The following ITIH5 variants were observed in gnomAD, a reference collection of about 807,000 sequenced individuals.
ITIH5 encodes the protein inter-alpha-trypsin inhibitor heavy chain H5.
In ITIH5, 65 loss-of-function variants were observed where a neutral mutation model predicts 77.5. The ratio of observed to expected loss-of-function variants is 0.84; its 90% CI spans 0.69 to 1.03. The LOEUF (loss-of-function observed/expected upper bound fraction) is 1.03, where lower values mean the gene tolerates loss of function less well. Ranked by LOEUF, ITIH5 falls within the 50% of genes least tolerant of loss-of-function variation. The pLI is 0.00. For missense variants in ITIH5, 1,208 were observed against 1,213.1 expected (o/e 1.00, Z 0.06); for synonymous variants, 525 against 494.3 (o/e 1.06, Z -0.82).
chr10:7,603,657 C>T (rs1254146246), intron 7 of ITIH5, among the ~76,000 whole-genome samples: 1 of 152,166 alleles, frequency 6.6e-6, no homozygotes, highest in African/African-American at 2.4e-5. Context: ...GATCTTGGCT[C>T]ACTGCAAGCT....
intron 10 of ITIH5, 137 bp downstream of exon 10, chr10:7,576,316 A>G: frequency 1.2e-6 from 1 of 804,848 alleles, no homozygotes; most frequent in Non-Finnish European, 1.9e-6. Context: ...GAGCTACTAT[A>G]CCCGGTCTGG....
intron 7 of ITIH5, among the ~76,000 whole-genome samples, chr10:7,607,331 C>G (rs968133610): frequency 5.9e-5 from 9 of 152,176 alleles, no homozygotes; most frequent in African/African-American, 1.9e-4. Flanking sequence ...CATCCAACAG[C>G]AGAGTTGAGT....
Position 7,599,170 on chromosome 10 carries a change from T to TC in ITIH5, c.940-13102dup, listed in dbSNP as rs563276909. Among the ~76,000 whole-genome samples, 331 of 152,348 alleles carry TC rather than the reference T, an allele frequency of 2.2e-3. 2 individuals are homozygous for TC. Among genetic ancestry groups the TC allele is most frequent in the Non-Finnish European group, 1.5e-3 (101 of 68,024 alleles). On this transcript the variant is annotated intron_variant, in intron 7 of 13. Transcript: ENST00000397146. ...CTCAGGGCTAGAAATAGATTTTTTTTCCCACTTCTCTTCATGTGGAAGGTC... is the reference window on the plus strand; with the variant it reads ...CTCAGGGCTAGAAATAGATTTTTTTTCCCCACTTCTCTTCATGTGGAAGGTC...
intron 7 of ITIH5, among the ~76,000 whole-genome samples, chr10:7,601,172 A>C (rs529678675): frequency 6.6e-6 from 1 of 152,322 alleles, no homozygotes; most frequent in East Asian, 1.9e-4. Flanking sequence ...AACTGATGTC[A>C]TTTGGCAAAC....
intron 7 of ITIH5, among the ~76,000 whole-genome samples, chr10:7,599,408 G>A (rs142715240): frequency 2.0e-5 from 3 of 152,290 alleles, no homozygotes; most frequent in Non-Finnish European, 4.4e-5. Flanking sequence ...TGTAACTGGT[G>A]TCTCCCATCC....
chr10:7,662,683 TC>T (rs1372007680), intron 1 of ITIH5, among the ~76,000 whole-genome samples: 2 of 152,180 alleles, frequency 1.3e-5, no homozygotes, highest in Non-Finnish European at 2.9e-5. Context: ...TCCCCACCCT[TC>T]CTTTCCACCC....
intron 11 of ITIH5, among the ~76,000 whole-genome samples, chr10:7,570,989 C>A (rs560768063): frequency 2.0e-5 from 3 of 152,158 alleles, no homozygotes; most frequent in Non-Finnish European, 2.9e-5. Flanking sequence ...ACGCTGTGCA[C>A]GGTGTAGGCA....
At chr10:7,644,740 A>G (rs897301912) in intron 2 of ITIH5, among the ~76,000 whole-genome samples, 3 of 116,152 alleles carry the variant, frequency 2.6e-5, no homozygotes, top group Non-Finnish European at 4.7e-5. Flanking sequence ...TATCTATATC[A>G]CATATATATC....
intron 4 of ITIH5, 114 bp downstream of exon 4, chr10:7,640,640 G>T (rs1411282427): frequency 4.5e-6 from 3 of 665,026 alleles, no homozygotes; most frequent in Admixed American, 2.7e-5. Flanking sequence ...TGATAAAAAA[G>T]AAAGAGAAAA....
At chr10:7,613,619 C>A (rs1453226060) in intron 7 of ITIH5, among the ~76,000 whole-genome samples, 2 of 151,882 alleles carry the variant, frequency 1.3e-5, no homozygotes, top group Admixed American at 1.3e-4. Context: ...AAAAGCTAAA[C>A]AAATGGGGTT....
intron 10 of ITIH5, among the ~76,000 whole-genome samples, chr10:7,573,497 T>A (rs1832346542): frequency 6.7e-6 from 1 of 148,772 alleles, no homozygotes; most frequent in South Asian, 2.1e-4. Flanking sequence ...TGAGACCCTG[T>A]CTCTACAAAA....
intron 7 of ITIH5, among the ~76,000 whole-genome samples, chr10:7,605,542 C>A (rs201602492): frequency 2.0e-5 from 3 of 151,160 alleles, no homozygotes; most frequent in East Asian, 3.9e-4. Flanking sequence ...CACCCCACCC[C>A]CAACAGCCTA....
chr10:7,641,750 G>A (rs149532762), intron 3 of ITIH5, among the ~76,000 whole-genome samples, 177 bp downstream of exon 3: 1 of 151,578 alleles, frequency 6.6e-6, no homozygotes. Flanking sequence ...AGAAGAAAAG[G>A]AATGAATGAA....
In ITIH5 at chr10:7,566,304, T is replaced by C. The variant is rs2130938139; in HGVS notation, c.2253A>G (p.Pro751=). 6.2e-7 allele frequency: 1 copy of C among 1,613,790 alleles called. No individual in the cohort carries two copies. The highest frequency in any genetic ancestry group is 8.5e-7 in the Non-Finnish European group (1 of 1,179,910). Residue 751 remains proline (P), a synonymous_variant, in exon 13 of 14, where the codon CCA becomes CCG. Transcript: ENST00000397146. ...LRTITILINK[P]ERSYLEITPS... ...GTGTGATCTCGAGATAAGATCTCTC[T>C]GGCTTGTTGATGAGGATGGTGATAG...
At chr10:7,609,477 G>A (rs558235539) in intron 7 of ITIH5, 13 of 456,720 alleles carry the variant, frequency 2.8e-5, no homozygotes, top group Admixed American at 1.6e-4. Context: ...TTTGGACAGC[G>A]AGGGAGAAAC....
At chr10:7,650,814 A>G (rs1000592302) in intron 2 of ITIH5, among the ~76,000 whole-genome samples, 1 of 152,042 alleles carries the variant, frequency 6.6e-6, no homozygotes, top group Non-Finnish European at 1.5e-5. Flanking sequence ...TGCTAGATTT[A>G]CCACCTCGGG....
chr10:7,641,463 C>A (rs530728894), intron 3 of ITIH5, among the ~76,000 whole-genome samples: 5 of 151,792 alleles, frequency 3.3e-5, no homozygotes, highest in Admixed American at 6.6e-5. Flanking sequence ...GTGAGGCTGT[C>A]TTTCTCAGAG....
At position 7,569,703 on chromosome 10, in the gene ITIH5, T is replaced by C. The variant is rs1832259122; in HGVS notation, c.2114A>G (p.Asp705Gly). ...GTGATCAGAGACCAGCCTGAGGATG[T>C]CCCCGGGCTGCCCATCAATGTTGAA... ...VCFNIDGQPG[D>G]ILRLVSDHRD... Residue 705 changes from aspartate to glycine, a missense_variant, in exon 12 of 14, where the codon GAC (aspartate) becomes GGC (glycine). Physicochemically the swap from Asp to Gly is moderately conservative, Grantham distance 94 (BLOSUM62 -1). Coordinates refer to ENST00000397146, the MANE Select transcript of ITIH5 (RefSeq NM_030569.7). 2 of 1,612,426 alleles carry C rather than the reference T, an allele frequency of 1.2e-6. No homozygotes were observed. Among genetic ancestry groups the C allele is most frequent in the Non-Finnish European group, 8.5e-7 (1 of 1,179,434 alleles).
intron 11 of ITIH5, chr10:7,571,946 A>C (rs945594733): frequency 2.0e-6 from 2 of 989,228 alleles, no homozygotes; most frequent in Admixed American, 1.2e-4. Context: ...AGCTCATCTG[A>C]CAGTTTTCTG....
Sources: allele counts gnomAD v4.1 joint callset (sites outside exome capture counted in the v4.1 genomes callset), GRCh38; gene constraint gnomAD v4.1.1; transcripts MANE v1.5; gene names NCBI Gene and HGNC (gene_info 2026-07-23, HGNC 2026-07-21).